ACAD10: variants seen among roughly 807,000 people sequenced by gnomAD.
ACAD10 encodes the protein acyl-CoA dehydrogenase family member 10, also known as ACAD-10.
In ACAD10, 112 loss-of-function variants were observed where a neutral mutation model predicts 116.8. The observed-to-expected ratio is 0.96, with a 90% CI of 0.82 to 1.12. ACAD10 has a LOEUF of 1.12. ACAD10 is among the 50% of genes most tolerant of loss of function. The probability of loss-of-function intolerance (pLI) is 0.00; values close to 1 mark genes in which losing one functional copy is unlikely to be tolerated. For synonymous variants in ACAD10, 486 were observed against 510.6 expected (o/e 0.95, Z 0.65); for missense variants, 1,259 against 1,350.2 (o/e 0.93, Z 1.06).
At chr12:111,718,721 C>T (rs1319235278) in intron 7 of ACAD10, among the ~76,000 whole-genome samples, 5 of 151,994 alleles carry the variant, frequency 3.3e-5, no homozygotes, top group Admixed American at 6.6e-5. Context: ...TCGGGTGATC[C>T]GCCTGCCTTG....
At position 111,757,015 on chromosome 12, in the gene ACAD10, C is replaced by A; in HGVS notation, c.*542C>A. Reference sequence around the variant, plus strand: ...TGGCATCTGATTATCTCCATTTGAACACACAGCACAGAACAATCATTTAAA... The same window carrying A: ...TGGCATCTGATTATCTCCATTTGAAAACACAGCACAGAACAATCATTTAAA... On this transcript the variant is annotated 3_prime_UTR_variant, in exon 21 of 21. Coordinates refer to ENST00000313698, the MANE Select transcript of ACAD10 (RefSeq NM_025247.6). The A allele has an allele frequency of 2.5e-6, 1 of 397,972 alleles. No individual in the cohort carries two copies. Among genetic ancestry groups the A allele is most frequent in the Non-Finnish European group, 5.0e-6 (1 of 198,750 alleles). 24.7% of individuals were successfully genotyped at this position (397,972 alleles called of 1,614,324 possible). A position where few individuals can be genotyped will look rare whatever the true frequency, so the allele number is the denominator to read the frequency against.
At chr12:111,700,916 G>A (rs1051450078) in intron 2 of ACAD10, among the ~76,000 whole-genome samples, 2 of 151,504 alleles carry the variant, frequency 1.3e-5, no homozygotes, top group African/African-American at 2.4e-5. Context: ...AACCCATCAC[G>A]CCAAGCTAAT....
rs1212960676 is a variant in ACAD10, at chr12:111,753,818, C to A, written c.2864C>A (p.Thr955Lys). ...AFGKPLVEQG[T>K]VLADIAQSRV... Reference sequence around the variant, plus strand: ...GGGAAGCCCCTGGTGGAGCAGGGCACAGTGCTGGCGGACATCGCGCAGTCG... The same window carrying A: ...GGGAAGCCCCTGGTGGAGCAGGGCAAAGTGCTGGCGGACATCGCGCAGTCG... The change falls in exon 19 of 21, where the codon ACA (threonine) becomes AAA (lysine). Residue 955 changes from threonine to lysine, a missense_variant. By Grantham distance (78) the Thr-to-Lys change is moderately conservative. Coordinates refer to ENST00000313698, the MANE Select transcript of ACAD10 (RefSeq NM_025247.6). The A allele has an allele frequency of 3.1e-6, 5 of 1,613,912 alleles. No homozygotes were observed. In the African/African-American group the frequency reaches 6.7e-5, roughly 22 times the overall value.
chr12:111,735,701 C>T (rs898637812), intron 11 of ACAD10, among the ~76,000 whole-genome samples: 13 of 152,132 alleles, frequency 8.5e-5, no homozygotes, highest in Admixed American at 2.0e-4. Flanking sequence ...ATGATCCGCC[C>T]GCCTTGGCCT....
intron 18 of ACAD10, 139 bp from the exon 19 acceptor site, chr12:111,753,633 G>A (rs1890130108): frequency 8.7e-7 from 1 of 1,149,460 alleles, no homozygotes; most frequent in African/African-American, 1.5e-5. Flanking sequence ...TGGCTGAGAA[G>A]ATGCACAGTC....
Position 111,749,173 on chromosome 12 carries a change from G to A in ACAD10, c.2645G>A (p.Gly882Asp). 6.2e-7 allele frequency: 1 copy of A among 1,612,614 alleles called. No individual in the cohort carries two copies. The highest frequency in any genetic ancestry group is 8.5e-7 in the Non-Finnish European group (1 of 1,178,758). Residue 882 changes from glycine to aspartate, a missense_variant and splice_region_variant, in exon 18 of 21, where the codon GGT (glycine) becomes GAT (aspartate). Coordinates refer to ENST00000313698, the MANE Select transcript of ACAD10 (RefSeq NM_025247.6). The stretch of plus-strand genomic sequence containing the variant: ...CACAGTGATCGTTTGGGTCTTTCAG[G>A]TGGCCATGGTGAAGTCCGATTTGAG... ...LTVYGLEDAP[G>D]GHGEVRFEHV...
At chr12:111,737,803 C>T (rs147684346) in intron 12 of ACAD10, among the ~76,000 whole-genome samples, 2 of 151,448 alleles carry the variant, frequency 1.3e-5, no homozygotes, top group Admixed American at 1.3e-4. Flanking sequence ...TGTGTGTGAC[C>T]ATTTGCATAT....
intron 3 of ACAD10, among the ~76,000 whole-genome samples, chr12:111,705,126 A>G (rs1017176254): frequency 1.3e-5 from 2 of 152,100 alleles, no homozygotes; most frequent in Non-Finnish European, 2.9e-5. Context: ...ATTAAATTAC[A>G]TATACTTCAT....
At chr12:111,733,363 C>T (rs1478436599) in intron 10 of ACAD10, among the ~76,000 whole-genome samples, 2 of 152,066 alleles carry the variant, frequency 1.3e-5, no homozygotes, top group African/African-American at 2.4e-5. Context: ...GTGGGGATTA[C>T]AGGCATGAAC....
chr12:111,690,774 G>A (rs1198441261), intron 1 of ACAD10, among the ~76,000 whole-genome samples: 2 of 131,552 alleles, frequency 1.5e-5, no homozygotes, highest in African/African-American at 6.4e-5. Context: ...AACAGAGTGA[G>A]ACTCTCAAAA....
At chr12:111,703,423 G>T (rs1262958748) in intron 3 of ACAD10, among the ~76,000 whole-genome samples, 1 of 152,148 alleles carries the variant, frequency 6.6e-6, no homozygotes, top group African/African-American at 2.4e-5. Flanking sequence ...TATAACTCAT[G>T]TAACCACAAT....
chr12:111,723,313 CG>C (rs1352579326), intron 8 of ACAD10, among the ~76,000 whole-genome samples: 11 of 105,934 alleles, frequency 1.0e-4, no homozygotes, highest in African/African-American at 2.1e-4. Context: ...GCTGGCCGGG[CG>C]GGGGGGCTGA....
In ACAD10 at chr12:111,702,158, A is replaced by G. The variant is rs779037232; in HGVS notation, c.188-4A>G. On this transcript the variant is annotated splice_region_variant and splice_polypyrimidine_tract_variant and intron_variant, in intron 2 of 20. Coordinates refer to ENST00000313698, the MANE Select transcript of ACAD10 (RefSeq NM_025247.6). Reference sequence around the variant, plus strand: ...TCCACTTTTGCATATTTTGCTTCCTATAGAATGGGAGGTACAGAATCGTAT... The same window carrying G: ...TCCACTTTTGCATATTTTGCTTCCTGTAGAATGGGAGGTACAGAATCGTAT... 2.5e-6 allele frequency: 4 copies of G among 1,610,402 alleles called. No individual in the cohort carries two copies. The highest frequency in any genetic ancestry group is 3.4e-6 in the Non-Finnish European group (4 of 1,179,000).
At chr12:111,698,801 G>A (rs910607092) in intron 2 of ACAD10, among the ~76,000 whole-genome samples, 1 of 152,078 alleles carries the variant, frequency 6.6e-6, no homozygotes, top group Non-Finnish European at 1.5e-5. Context: ...TCTGTTACAT[G>A]ATTTGCAAAT....
intron 8 of ACAD10, among the ~76,000 whole-genome samples, chr12:111,724,909 G>GGA (rs1889170951): frequency 6.7e-6 from 1 of 149,460 alleles, no homozygotes. Flanking sequence ...GAGACCGTGG[G>GGA]GAGAGGGAGA....
At chr12:111,721,522 C>T (rs1052479382) in intron 7 of ACAD10, 149 bp from the exon 8 acceptor site, 2 of 587,188 alleles carry the variant, frequency 3.4e-6, no homozygotes, top group Non-Finnish European at 5.7e-6. Flanking sequence ...GAGCCAAGAT[C>T]GTGCCACTGC....
At chr12:111,709,905 A>G (rs1312826410) in intron 5 of ACAD10, 1 of 533,738 alleles carries the variant, frequency 1.9e-6, no homozygotes. Context: ...GGTTGAGAAA[A>G]GAGATGGGAA....
intron 18 of ACAD10, among the ~76,000 whole-genome samples, chr12:111,751,871 C>T (rs1458433505): frequency 6.6e-6 from 1 of 151,286 alleles, no homozygotes; most frequent in Non-Finnish European, 1.5e-5. Flanking sequence ...CCAGCCTGAC[C>T]AACATAGAGA....
intron 2 of ACAD10, 48 bp from the exon 3 acceptor site, chr12:111,702,114 C>G: frequency 1.3e-6 from 2 of 1,591,614 alleles, no homozygotes; most frequent in Admixed American, 1.7e-5. Context: ...TCCCTAAACC[C>G]CAGCATGTAT....
Sources: gnomAD v4.1 joint callset for allele counts (sites outside exome capture counted in the v4.1 genomes callset) on GRCh38, gnomAD v4.1.1 for gene constraint, MANE v1.5 for transcripts, NCBI Gene and HGNC (gene_info 2026-07-23, HGNC 2026-07-21) for gene names.